Variants in PCDH12 observed in about 807,000 individuals in gnomAD.
The protein encoded by PCDH12 is protocadherin 12.
In PCDH12, 45 loss-of-function variants were observed where a neutral mutation model predicts 70.9. The ratio of observed to expected loss-of-function variants is 0.63; its 90% CI spans 0.50 to 0.81. The LOEUF (loss-of-function observed/expected upper bound fraction) is 0.81, where lower values mean the gene tolerates loss of function less well. Ranked by LOEUF, PCDH12 falls within the 40% of genes least tolerant of loss-of-function variation. The pLI, the probability that PCDH12 is intolerant of heterozygous loss-of-function variation, is 0.00. For missense variants in PCDH12, 1,370 were observed against 1,491.7 expected, an observed-to-expected ratio of 0.92 and a Z score of 1.34; for synonymous variants, 567 against 626.0, an observed-to-expected ratio of 0.91 and a Z score of 1.41.
chr5:141,947,245 C>T (rs543387423), intron 3 of PCDH12, among the ~76,000 whole-genome samples: 1 of 152,318 alleles, frequency 6.6e-6, no homozygotes, highest in South Asian at 2.1e-4. Context: ...AGCCCCATGC[C>T]TGGGACTTAG....
At position 141,957,186 on chromosome 5, in the gene PCDH12, G is replaced by C; in HGVS notation, c.666C>G (p.Pro222=). 6.2e-7 allele frequency: 1 copy of C among 1,614,180 alleles called. No individual in the cohort carries two copies. Among genetic ancestry groups the C allele is most frequent in the African/African-American group, 1.3e-5 (1 of 75,050 alleles). Residue 222 remains proline (P), a synonymous_variant, in exon 1 of 4, where the codon CCC becomes CCG. Coordinates refer to ENST00000231484, the MANE Select transcript of PCDH12 (RefSeq NM_016580.4). This position sits in a 1 kb window ranked among gnomAD's most constrained non-coding sequence, Gnocchi z 4.3. ...TGACCAAGCTGGTACCTGACTTGGG[G>C]GGGTTCCCATTGTCATAGGCAGTTA... The part of the protein sequence containing the change: ...LVLTAYDNGN[P]PKSGTSLVKV...
rs1723631629 is a variant in PCDH12 at position 141,957,606 on chromosome 5, C to T, written c.246G>A (p.Glu82=). ...GCCTGCCTGTGCTGAGCAAGCCTTCCTCAGAGTCCACCTGAATGGGGAGCG... is the reference window on the plus strand; with the variant it reads ...GCCTGCCTGTGCTGAGCAAGCCTTCTTCAGAGTCCACCTGAATGGGGAGCG... ...PQALPIQVDS[E]EGLLSTGRRL... Residue 82 remains glutamate (E), a synonymous_variant, in exon 1 of 4, where the codon GAG becomes GAA. Coordinates refer to ENST00000231484, the MANE Select transcript of PCDH12 (RefSeq NM_016580.4). This position sits in a 1 kb window ranked among gnomAD's most constrained non-coding sequence, Gnocchi z 4.3. 1 of 1,614,072 alleles carries T rather than the reference C, an allele frequency of 6.2e-7. No homozygotes were observed. Among genetic ancestry groups the T allele is most frequent in the South Asian group, 1.1e-5 (1 of 91,094 alleles).
rs1354828549 is a variant in PCDH12, at chr5:141,957,645, C to T, written c.207G>A (p.Leu69=). The T allele has an allele frequency of 1.9e-6, 3 of 1,614,072 alleles. No homozygotes were observed. The highest frequency in any genetic ancestry group is 2.5e-6 in the Non-Finnish European group (3 of 1,180,034). The change falls in exon 1 of 4, where the codon TTG becomes TTA. Residue 69 remains leucine, a synonymous_variant. Coordinates refer to ENST00000231484, the MANE Select transcript of PCDH12 (RefSeq NM_016580.4). This position sits in a 1 kb window ranked among gnomAD's most constrained non-coding sequence, Gnocchi z 4.3. ...GAATGGGGAGCGCCTGAGGCAGCTG[C>T]AACACCTGGAAGGCAGCCCCAGCTT... ...RRQAGAAFQV[L]QLPQALPIQV...
chr5:141,957,008 A>G lies in PCDH12; in HGVS notation c.844T>C (p.Phe282Leu), dbSNP rs1753195940. The change falls in exon 1 of 4, where the codon TTC (phenylalanine) becomes CTC (leucine). Residue 282 changes from phenylalanine (F) to leucine (L), a missense_variant. Phe to Leu is a conservative substitution (Grantham distance 22). Transcript: ENST00000231484. The surrounding 1 kb of genome is among the most constrained non-coding windows in gnomAD (Gnocchi z 4.3). The stretch of plus-strand genomic sequence containing the variant: ...TCTGGAGGCATGTGCTTACTGAGGA[A>G]GAACTCCACCTCCCCATTGGGGCCT... Reference protein sequence around the residue: ...DQGPNGEVEFFLSKHMPPEVL... With the variant: ...DQGPNGEVEFLLSKHMPPEVL... 3 of 1,614,180 alleles carry G rather than the reference A, an allele frequency of 1.9e-6. No homozygotes were observed. Among genetic ancestry groups the G allele is most frequent in the Middle Eastern group, 1.6e-4 (1 of 6,062 alleles).
chr5:141,957,208 G>A lies in PCDH12; in HGVS notation c.644C>T (p.Thr215Ile). Residue 215 changes from threonine to isoleucine, a missense_variant, in exon 1 of 4, where the codon ACT (threonine) becomes ATT (isoleucine). Physicochemically the swap from Thr to Ile is moderately conservative, Grantham distance 89. Coordinates refer to ENST00000231484, the MANE Select transcript of PCDH12 (RefSeq NM_016580.4). This position sits in a 1 kb window ranked among gnomAD's most constrained non-coding sequence, Gnocchi z 4.3. Reference sequence around the variant, plus strand: ...GGGGGGGTTCCCATTGTCATAGGCAGTTAACACCAGATCAAAAAATGAATG... The same window carrying A: ...GGGGGGGTTCCCATTGTCATAGGCAATTAACACCAGATCAAAAAATGAATG... ...EIHSFFDLVL[T>I]AYDNGNPPKS... is the part of the protein sequence containing the mutation. 6.2e-7 allele frequency: 1 copy of A among 1,614,192 alleles called. No homozygotes were observed. Among genetic ancestry groups the A allele is most frequent in the Middle Eastern group, 1.6e-4 (1 of 6,062 alleles).
At chr5:141,954,789 A>G (rs1282335718) in intron 1 of PCDH12, among the ~76,000 whole-genome samples, 183 bp downstream of exon 1, 2 of 152,248 alleles carry the variant, frequency 1.3e-5, no homozygotes, top group African/African-American at 2.4e-5. Flanking sequence ...TTTGCCTAGG[A>G]TCACACAGCT....
intron 2 of PCDH12, among the ~76,000 whole-genome samples, chr5:141,950,974 T>G (rs1033514687): frequency 6.6e-6 from 1 of 152,154 alleles, no homozygotes; most frequent in Non-Finnish European, 1.5e-5. Flanking sequence ...CTTGCTCAAG[T>G]TTACATAGCT....
At chr5:141,950,492 C>A (rs926393757) in intron 2 of PCDH12, among the ~76,000 whole-genome samples, 1 of 152,166 alleles carries the variant, frequency 6.6e-6, no homozygotes, top group Non-Finnish European at 1.5e-5. Context: ...CTTATTCAAA[C>A]CTTCCACACC....
rs1439120487 is a variant in PCDH12, at chr5:141,951,424, A to C, written c.2978+69T>G. The C allele has an allele frequency of 3.5e-6, 4 of 1,147,478 alleles. No homozygotes were observed. In the African/African-American group the frequency reaches 6.1e-5, roughly 17 times the overall value. 71.1% of individuals were successfully genotyped at this position (1,147,478 alleles called of 1,614,324 possible). A position where few individuals can be genotyped will look rare whatever the true frequency, so the allele number is the denominator to read the frequency against. On this transcript the variant is annotated intron_variant, in intron 2 of 3. Coordinates refer to ENST00000231484, the MANE Select transcript of PCDH12 (RefSeq NM_016580.4). ...CTTGTGCTCACCCTTCCTCACTCAC[A>C]GAGGCTGCAGTGATGAGGGGCGGCC...
At position 141,955,209 on chromosome 5, in the gene PCDH12, C is replaced by T. The variant is rs1308538141; in HGVS notation, c.2643G>A (p.Lys881=). ...GCCTCCCTGTGGGGCTGCCTGCAACCTTCAGAGGCCTGGAACGTGGCTGGC... is the reference window on the plus strand; with the variant it reads ...GCCTCCCTGTGGGGCTGCCTGCAACTTTCAGAGGCCTGGAACGTGGCTGGC... The part of the protein sequence containing the change: ...ATGQPRSRPL[K]VAGSPTGRLA... The change falls in exon 1 of 4, where the codon AAG becomes AAA. Residue 881 remains lysine, a synonymous_variant. Coordinates refer to ENST00000231484, the MANE Select transcript of PCDH12 (RefSeq NM_016580.4). This position sits in a 1 kb window ranked among gnomAD's most constrained non-coding sequence, Gnocchi z 5.5. The T allele has an allele frequency of 6.2e-7, 1 of 1,614,216 alleles. No homozygotes were observed. Among genetic ancestry groups the T allele is most frequent in the Admixed American group, 1.7e-5 (1 of 60,028 alleles).
rs767375233 is a variant in PCDH12, at chr5:141,955,372, C to T, written c.2480G>A (p.Arg827His). 3.5e-5 allele frequency: 57 copies of T among 1,613,934 alleles called. No individual in the cohort carries two copies. Among genetic ancestry groups the T allele is most frequent in the Admixed American group, 5.0e-5 (3 of 60,004 alleles). The change falls in exon 1 of 4, where the codon CGT (arginine) becomes CAT (histidine). Residue 827 changes from arginine to histidine, a missense_variant. Transcript: ENST00000231484. The surrounding 1 kb of genome is among the most constrained non-coding windows in gnomAD (Gnocchi z 5.5). ...HLTPTLYRTL[R>H]NQGNQGAPAE... is the part of the protein sequence containing the mutation. ...CGGTGCTCCCTGGTTGCCTTGATTA[C>T]GCAGCGTCCTGTACAGGGTCGGGGT...
intron 3 of PCDH12, among the ~76,000 whole-genome samples, chr5:141,947,424 A>C (rs1752966791): frequency 6.6e-6 from 1 of 152,192 alleles, no homozygotes; most frequent in African/African-American, 2.4e-5. Flanking sequence ...GAAGGAGTGA[A>C]GCTTGGAATG....
chr5:141,954,997 A>G lies in PCDH12; in HGVS notation c.2855T>C (p.Leu952Pro). 6.2e-7 allele frequency: 1 copy of G among 1,613,376 alleles called. No homozygotes were observed. The highest frequency in any genetic ancestry group is 8.5e-7 in the Non-Finnish European group (1 of 1,179,426). Reference sequence around the variant, plus strand: ...CTGAACAGGAGGAGAATCCACAGTGAGCTCCTCCACGGGGTTCCGCTCGGC... The same window carrying G: ...CTGAACAGGAGGAGAATCCACAGTGGGCTCCTCCACGGGGTTCCGCTCGGC... ...AFAERNPVEE[L>P]TVDSPPVQQI... The change falls in exon 1 of 4, where the codon CTC (leucine) becomes CCC (proline). Residue 952 changes from leucine to proline, a missense_variant. Coordinates refer to ENST00000231484, the MANE Select transcript of PCDH12 (RefSeq NM_016580.4).
Position 141,956,778 on chromosome 5 carries a change from G to A in PCDH12, c.1074C>T (p.Ser358=). ...GAGCTTCTGACACCAGTGATGGCTG[G>A]GAGGCCCATGTGACGTGGATGCTTG... ...NIPSIHVTWA[S]QPSLVSEALP... is the part of the protein sequence containing the mutation. Residue 358 remains serine, a synonymous_variant, in exon 1 of 4, where the codon TCC becomes TCT. Coordinates refer to ENST00000231484, the MANE Select transcript of PCDH12 (RefSeq NM_016580.4). 6.2e-7 allele frequency: 1 copy of A among 1,614,214 alleles called. No homozygotes were observed. The highest frequency in any genetic ancestry group is 1.1e-5 in the South Asian group (1 of 91,080).
rs138811155 is a variant in PCDH12 at position 141,955,478 on chromosome 5, C to T, written c.2374G>A (p.Gly792Arg). 3.8e-5 allele frequency: 61 copies of T among 1,613,952 alleles called. No homozygotes were observed. In the Middle Eastern group the frequency reaches 9.9e-4, roughly 26 times the overall value. The change falls in exon 1 of 4, where the codon GGG (glycine) becomes AGG (arginine). Residue 792 changes from glycine to arginine, a missense_variant. Gly to Arg is a moderately radical substitution (Grantham distance 125). Transcript: ENST00000231484. The surrounding 1 kb of genome is among the most constrained non-coding windows in gnomAD (Gnocchi z 5.5). ...TTGTCCACATCTTTGTGGGACTGCC[C>T]GACTTCACAAGGCTCACCTGCCTGA... ...RGQAGEPCEV[G>R]QSHKDVDKEA...
At position 141,956,109 on chromosome 5, in the gene PCDH12, C is replaced by G. The variant is rs116711399; in HGVS notation, c.1743G>C (p.Val581=). 0.013 allele frequency: 21,255 copies of G among 1,614,210 alleles called. 182 individuals are homozygous for G. The highest frequency in any genetic ancestry group is 0.016 in the Non-Finnish European group (18,499 of 1,180,026). The change falls in exon 1 of 4, where the codon GTG becomes GTC. Residue 581 remains valine (V), a synonymous_variant. Transcript: ENST00000231484. The part of the protein sequence containing the change: ...SDGKASLSVL[V]NASTGHLLVP... ...CCAGCAGGTGGCCTGTGGAGGCATT[C>G]ACAAGCACGGAGAGGCTGGCTTTTC... is the stretch of plus-strand genomic sequence containing the variant.
rs1358169596 is a variant in PCDH12, at chr5:141,955,433, C to T, written c.2419G>A (p.Gly807Ser). 5.0e-6 allele frequency: 8 copies of T among 1,614,080 alleles called. No individual in the cohort carries two copies. Among genetic ancestry groups the T allele is most frequent in the Non-Finnish European group, 6.8e-6 (8 of 1,180,002 alleles). Residue 807 changes from glycine to serine, a missense_variant, in exon 1 of 4, where the codon GGC (glycine) becomes AGC (serine). Physicochemically the swap from Gly to Ser is moderately conservative, Grantham distance 56 (BLOSUM62 0). Transcript: ENST00000231484. The surrounding 1 kb of genome is among the most constrained non-coding windows in gnomAD (Gnocchi z 5.5). ...GGGGCCTGCAGGCAGGGGTCCCAGC[C>T]TGCTTCCATCATCGCCTCCTTGTCC... The part of the protein sequence containing the change: ...DVDKEAMMEA[G>S]WDPCLQAPFH...
intron 3 of PCDH12, among the ~76,000 whole-genome samples, chr5:141,946,775 C>G (rs966649390): frequency 6.6e-6 from 1 of 152,122 alleles, no homozygotes; most frequent in African/African-American, 2.4e-5. Context: ...CCACAGTCAC[C>G]CTTCTTTTCC....
rs1561536306 is a variant in PCDH12 at position 141,955,976 on chromosome 5, C to T, written c.1876G>A (p.Ala626Thr). ...GGCTCTCCATTTGCCCCCGAGTCTGCATCTCTTGCCACAATGGTTGTCAAA... is the reference window on the plus strand; with the variant it reads ...GGCTCTCCATTTGCCCCCGAGTCTGTATCTCTTGCCACAATGGTTGTCAAA... The part of the protein sequence containing the change: ...FLLTTIVARD[A>T]DSGANGEPLY... The change falls in exon 1 of 4, where the codon GCA becomes ACA. Residue 626 changes from alanine to threonine, a missense_variant. Coordinates refer to ENST00000231484, the MANE Select transcript of PCDH12 (RefSeq NM_016580.4). This position sits in a 1 kb window ranked among gnomAD's most constrained non-coding sequence, Gnocchi z 5.5. 2 of 1,614,192 alleles carry T rather than the reference C, an allele frequency of 1.2e-6. No homozygotes were observed. The highest frequency in any genetic ancestry group is 1.7e-6 in the Non-Finnish European group (2 of 1,180,042).
Sources: gnomAD v4.1 joint callset for allele counts (sites outside exome capture counted in the v4.1 genomes callset) on GRCh38, gnomAD v4.1.1 for gene constraint, Gnocchi (gnomAD v3.1) non-coding constraint, MANE v1.5 for transcripts, NCBI Gene and HGNC (gene_info 2026-07-23, HGNC 2026-07-21) for gene names.